DMAP1: variants seen among roughly 807,000 people sequenced by gnomAD.
DMAP1 encodes DNA methyltransferase 1-associated protein 1.
Under a neutral mutation model 52.7 loss-of-function variants are expected in DMAP1, and 26 were observed. The ratio of observed to expected loss-of-function variants is 0.49; its 90% CI spans 0.36 to 0.68. DMAP1 has a LOEUF of 0.68. Ranked by LOEUF, DMAP1 falls within the 30% of genes least tolerant of loss-of-function variation. The pLI is 0.00. For synonymous variants in DMAP1, 231 were observed against 246.0 expected (o/e 0.94, Z 0.57); for missense variants, 439 against 625.2 (o/e 0.70, Z 3.18).
At position 44,218,763 on chromosome 1, in the gene DMAP1, CA is replaced by C. The variant is rs745436055; in HGVS notation, c.720+10del. The C allele has an allele frequency of 6.3e-7, 1 of 1,596,472 alleles. No individual in the cohort carries two copies. Among genetic ancestry groups the C allele is most frequent in the South Asian group, 1.1e-5 (1 of 89,298 alleles). On this transcript the variant is annotated intron_variant, in intron 5 of 9. Coordinates refer to ENST00000372289, the MANE Select transcript of DMAP1 (RefSeq NM_019100.5). The surrounding 1 kb of genome is among the most constrained non-coding windows in gnomAD (Gnocchi z 5.6). ...AACCGGACCCCAGAGCAGGTAAGCC[CA>C]AGGCCACATACCTGTCCTCCATGCC...
rs765710864 is a variant in DMAP1, at chr1:44,214,394, C to G, written c.150C>G (p.Pro50=). 2.0e-5 allele frequency: 33 copies of G among 1,613,930 alleles called. No homozygotes were observed. The highest frequency in any genetic ancestry group is 2.4e-5 in the Non-Finnish European group (28 of 1,180,000). Residue 50 remains proline (P), a synonymous_variant, in exon 2 of 10, where the codon CCC becomes CCG. Transcript: ENST00000372289. ...KSSETLTFKR[P]EGMHREVYAL... ...CTGAGACACTGACTTTCAAGAGGCCCGAGGGCATGCACCGGGAAGTCTATG... is the reference window on the plus strand; with the variant it reads ...CTGAGACACTGACTTTCAAGAGGCCGGAGGGCATGCACCGGGAAGTCTATG...
intron 1 of DMAP1, 79 bp from the exon 2 acceptor site, chr1:44,214,271 G>T (rs918179867): frequency 3.0e-6 from 4 of 1,354,604 alleles, no homozygotes; most frequent in Admixed American, 1.7e-5. Flanking sequence ...GTGCTGCTTT[G>T]TTCAGGGATT....
In DMAP1 at chr1:44,214,331, C is replaced by G. The variant is rs1211717012; in HGVS notation, c.106-19C>G. 1.2e-6 allele frequency: 2 copies of G among 1,611,876 alleles called. No individual in the cohort carries two copies. The highest frequency in any genetic ancestry group is 2.2e-5 in the South Asian group (2 of 90,984). ...AAAGGGTCTAGGTTGTGGTTCCTTTCTGTGGTTTCCTTCCTCAGAAAAAAT... is the reference window on the plus strand; with the variant it reads ...AAAGGGTCTAGGTTGTGGTTCCTTTGTGTGGTTTCCTTCCTCAGAAAAAAT... On this transcript the variant is annotated intron_variant, in intron 1 of 9. Transcript: ENST00000372289.
At position 44,218,728 on chromosome 1, in the gene DMAP1, G is replaced by T; in HGVS notation, c.693G>T (p.Glu231Asp). The change falls in exon 5 of 10, where the codon GAG becomes GAT. Residue 231 changes from glutamate to aspartate, a missense_variant. By Grantham distance (45) the Glu-to-Asp change is conservative. Around this residue, in one of 3 missense-constraint regions of DMAP1, gnomAD observed 142 missense variants for 149.5 expected, o/e 0.95. Transcript: ENST00000372289. The surrounding 1 kb of genome is among the most constrained non-coding windows in gnomAD (Gnocchi z 5.6). ...GHERRRKEQL[E>D]RLYNRTPEQV... ...AACGACGGCGGAAGGAACAGCTTGA[G>T]CGTCTCTACAACCGGACCCCAGAGC... The T allele has an allele frequency of 6.2e-7, 1 of 1,612,018 alleles. No homozygotes were observed. Among genetic ancestry groups the T allele is most frequent in the Non-Finnish European group, 8.5e-7 (1 of 1,178,518 alleles).
rs756598386 is a variant in DMAP1, at chr1:44,214,591, C to T, written c.198-112C>T. 1.8e-4 allele frequency: 294 copies of T among 1,612,718 alleles called. 1 individual carries two copies. The highest frequency in any genetic ancestry group is 4.0e-4 in the Admixed American group (24 of 59,884). On this transcript the variant is annotated intron_variant, in intron 2 of 9. Transcript: ENST00000372289. ...GCAGGAGGACCTGAAGTCTTTTGCT[C>T]CAGGACATGACTTTCTTGCTATAGG...
Position 44,218,192 on chromosome 1 carries a change from C to T in DMAP1, c.394-119C>T. The T allele has an allele frequency of 7.3e-7, 1 of 1,360,690 alleles. No individual in the cohort carries two copies. 84.3% of individuals were successfully genotyped at this position (1,360,690 alleles called of 1,614,324 possible). On this transcript the variant is annotated intron_variant, in intron 3 of 9. Coordinates refer to ENST00000372289, the MANE Select transcript of DMAP1 (RefSeq NM_019100.5). The surrounding 1 kb of genome is among the most constrained non-coding windows in gnomAD (Gnocchi z 5.6). Reference sequence around the variant, plus strand: ...CAAGTTCTTTCCTCACTCCATGCTGCAGGGGCACAGGCCCAGGGTCTGGCA... The same window carrying T: ...CAAGTTCTTTCCTCACTCCATGCTGTAGGGGCACAGGCCCAGGGTCTGGCA...
At position 44,218,787 on chromosome 1, in the gene DMAP1, G is replaced by T; in HGVS notation, c.720+32G>T. On this transcript the variant is annotated intron_variant, in intron 5 of 9. Coordinates refer to ENST00000372289, the MANE Select transcript of DMAP1 (RefSeq NM_019100.5). The surrounding 1 kb of genome is among the most constrained non-coding windows in gnomAD (Gnocchi z 5.6). ...CCAAGGCCACATACCTGTCCTCCAT[G>T]CCCCAAACCCCTTGCTCATTGTCTC... 1 of 1,570,198 alleles carries T rather than the reference G, an allele frequency of 6.4e-7. No individual in the cohort carries two copies.
chr1:44,219,380 G>C (rs773836412), intron 6 of DMAP1, 26 bp from the exon 7 acceptor site: 1 of 1,556,408 alleles, frequency 6.4e-7, no homozygotes, highest in Non-Finnish European at 8.7e-7. Flanking sequence ...GTGACACCTT[G>C]GTCTCCATAA....
chr1:44,217,327 T>A (rs1281712331), intron 3 of DMAP1: 1 of 152,196 alleles, frequency 6.6e-6, no homozygotes, highest in Non-Finnish European at 1.5e-5. Flanking sequence ...GGAAGCGGAT[T>A]GAATGTGGGC....
Position 44,213,809 on chromosome 1 carries a change from A to G in DMAP1, c.56A>G (p.Asp19Gly). The change falls in exon 1 of 10, where the codon GAT (aspartate) becomes GGT (glycine). Residue 19 changes from aspartate to glycine, a missense_variant. This residue lies in a region of DMAP1 where 118 missense variants were observed against 189.8 expected (regional missense o/e 0.62). Coordinates refer to ENST00000372289, the MANE Select transcript of DMAP1 (RefSeq NM_019100.5). The surrounding 1 kb of genome is among the most constrained non-coding windows in gnomAD (Gnocchi z 4.5). ...CTAGAACTCGGGGGTCCAGAAGGGGATGCAGCCTCTGGGACCATCAGCAAG... is the reference window on the plus strand; with the variant it reads ...CTAGAACTCGGGGGTCCAGAAGGGGGTGCAGCCTCTGGGACCATCAGCAAG... ...DILELGGPEG[D>G]AASGTISKKD... The G allele has an allele frequency of 6.3e-7, 1 of 1,596,638 alleles. No individual in the cohort carries two copies. Among genetic ancestry groups the G allele is most frequent in the South Asian group, 1.1e-5 (1 of 87,778 alleles).
chr1:44,214,620 G>A (rs971389222), intron 2 of DMAP1, 83 bp from the exon 3 acceptor site: 1 of 1,613,444 alleles, frequency 6.2e-7, no homozygotes, highest in Non-Finnish European at 8.5e-7. Flanking sequence ...CTATAGGGTA[G>A]GGTAGATCAG....
At chr1:44,214,317 G>C (rs773462070) in intron 1 of DMAP1, 33 bp from the exon 2 acceptor site, 4 of 1,598,856 alleles carry the variant, frequency 2.5e-6, no homozygotes, top group Admixed American at 1.7e-5. Context: ...AAGGGTCTAG[G>C]TTGTGGTTCC....
chr1:44,218,522 T>TAC lies in DMAP1; in HGVS notation c.552+54_552+55dup. On this transcript the variant is annotated intron_variant, in intron 4 of 9. Coordinates refer to ENST00000372289, the MANE Select transcript of DMAP1 (RefSeq NM_019100.5). This position sits in a 1 kb window ranked among gnomAD's most constrained non-coding sequence, Gnocchi z 5.6. ...CCCAGCTTCTGGGTCTAGCAGGCCC[T>TAC]ACTTTTATGCCATCTCTTCCACATG... is the stretch of plus-strand genomic sequence containing the variant. 6.2e-7 allele frequency: 1 copy of TAC among 1,609,524 alleles called. No individual in the cohort carries two copies. Among genetic ancestry groups the TAC allele is most frequent in the South Asian group, 1.1e-5 (1 of 90,948 alleles).
intron 9 of DMAP1, 81 bp from the exon 10 acceptor site, chr1:44,220,478 C>A: frequency 6.2e-7 from 1 of 1,611,488 alleles, no homozygotes; most frequent in South Asian, 1.1e-5. Context: ...GTCCTTGTCC[C>A]TGAGCGTGTG....
intron 8 of DMAP1, 50 bp downstream of exon 8, chr1:44,219,928 A>C (rs762999018): frequency 6.2e-7 from 1 of 1,613,424 alleles, no homozygotes; most frequent in Non-Finnish European, 8.5e-7. Context: ...GAGGCTGTGG[A>C]TATAGGTTGG....
At chr1:44,217,838 C>T in intron 3 of DMAP1, 1 of 242,976 alleles carries the variant, frequency 4.1e-6, no homozygotes, top group Non-Finnish European at 8.3e-6. Flanking sequence ...GATTCAGGCC[C>T]AGCTTCTGTA....
At chr1:44,215,339 C>G in intron 3 of DMAP1, 1 of 456,720 alleles carries the variant, frequency 2.2e-6, no homozygotes, top group Non-Finnish European at 4.4e-6. Flanking sequence ...CTGAACAGAG[C>G]TCATCATCTT....
intron 3 of DMAP1, chr1:44,217,688 C>A (rs1340113964): frequency 1.2e-5 from 2 of 165,286 alleles, no homozygotes; most frequent in African/African-American, 4.8e-5. Flanking sequence ...AGAAGAGAGA[C>A]TTCCCTGATG....
intron 3 of DMAP1, chr1:44,215,524 G>C (rs529028745): frequency 9.9e-5 from 33 of 334,192 alleles, no homozygotes; most frequent in Non-Finnish European, 1.7e-4. Context: ...CAACAAACAT[G>C]TAAGGAAATA....
Sources: gnomAD v4.1 joint callset for allele counts on GRCh38, gnomAD v4.1.1 for gene constraint, gnomAD v4.1.1 regional missense constraint, Gnocchi (gnomAD v3.1) non-coding constraint, MANE v1.5 for transcripts, NCBI Gene and HGNC (gene_info 2026-07-23, HGNC 2026-07-21) for gene names.